The following KIZ variants were observed in gnomAD, a reference collection of about 807,000 sequenced individuals.
The protein encoded by KIZ is kizuna centrosomal protein, also known as centrosomal protein kizuna.
KIZ carries 68 observed loss-of-function variants against 79.6 expected under a neutral mutation model. That is an observed-to-expected ratio of 0.85 (90% CI 0.70 to 1.05). The LOEUF is 1.05. Ranked by LOEUF, KIZ falls within the 50% of genes least tolerant of loss-of-function variation. KIZ has a pLI of 0.00. For synonymous variants in KIZ, 280 were observed against 281.8 expected, an observed-to-expected ratio of 0.99 and a Z score of 0.06; for missense variants, 797 against 800.4, an observed-to-expected ratio of 1.00 and a Z score of 0.05.
chr20:21,136,688 C>T (rs1022914016), intron 3 of KIZ, 136 bp downstream of exon 3: 17 of 572,304 alleles, frequency 3.0e-5, no homozygotes, highest in Non-Finnish European at 3.9e-5. Context: ...CTGTCTTAGC[C>T]TCCTGAGTAG....
At chr20:21,180,334 T>A (rs1287691378) in intron 6 of KIZ, among the ~76,000 whole-genome samples, 2 of 152,026 alleles carry the variant, frequency 1.3e-5, no homozygotes, top group African/African-American at 4.8e-5. Flanking sequence ...CCATTTTATA[T>A]TTAAGTAAAT....
rs1266776054 is a variant in KIZ, at chr20:21,180,425, G to T, written c.1352+17266G>T. Among the ~76,000 whole-genome samples the T allele has an allele frequency of 2.0e-5, 3 of 152,178 alleles. No individual in the cohort carries two copies. The East Asian group carries it at 5.8e-4, about 29-fold the overall frequency. On this transcript the variant is annotated intron_variant, in intron 6 of 12. Coordinates refer to ENST00000619189, the MANE Select transcript of KIZ (RefSeq NM_018474.6). ...TCTTGGAGCCAAATAAGTGGTAGGG[G>T]GTGGGGCGAGGGACGGGTGCAAGGG...
Position 21,246,545 on chromosome 20 carries a change from A to G in KIZ, c.1991A>G (p.Asn664Ser), listed in dbSNP as rs769694398. ...GCTGCTTTACGCCCCAGAAACCATA[A>G]CACCGATGATTCTGATGATTTTTAT... ...IEAALRPRNH[N>S]TDDSDDFYD Residue 664 changes from asparagine (N) to serine (S), a missense_variant, in exon 13 of 13, where the codon AAC becomes AGC. Physicochemically the swap from Asn to Ser is conservative, Grantham distance 46. Coordinates refer to ENST00000619189, the MANE Select transcript of KIZ (RefSeq NM_018474.6). The G allele has an allele frequency of 3.6e-5, 58 of 1,610,008 alleles. No homozygotes were observed. The highest frequency in any genetic ancestry group is 1.4e-5 in the Non-Finnish European group (16 of 1,176,572).
chr20:21,128,145 T>A (rs1220887555), intron 1 of KIZ, among the ~76,000 whole-genome samples: 1 of 152,168 alleles, frequency 6.6e-6, no homozygotes, highest in African/African-American at 2.4e-5. Context: ...CCCTAGTAGC[T>A]GGGATTACAG....
intron 7 of KIZ, 125 bp from the exon 8 acceptor site, chr20:21,214,409 TG>T: frequency 1.6e-6 from 1 of 624,144 alleles, no homozygotes. Flanking sequence ...CATTTAAATG[TG>T]GGAAACAGAT....
At chr20:21,127,212 T>A (rs1322453151) in intron 1 of KIZ, among the ~76,000 whole-genome samples, 2 of 152,210 alleles carry the variant, frequency 1.3e-5, no homozygotes, top group African/African-American at 4.8e-5. Context: ...GCATTTTTTT[T>A]ACCTTGTACT....
At chr20:21,242,646 G>A (rs570570539) in intron 11 of KIZ, among the ~76,000 whole-genome samples, 1 of 152,206 alleles carries the variant, frequency 6.6e-6, no homozygotes, top group South Asian at 2.1e-4. Flanking sequence ...GGCTTGGGGA[G>A]ACTAGTGGGT....
intron 11 of KIZ, 147 bp from the exon 12 acceptor site, chr20:21,244,098 T>C: frequency 1.5e-6 from 1 of 679,572 alleles, no homozygotes; most frequent in Non-Finnish European, 2.6e-6. Flanking sequence ...CCCGATATTT[T>C]CCCTTTACTT....
chr20:21,166,658 A>G, intron 6 of KIZ: 1 of 749,392 alleles, frequency 1.3e-6, no homozygotes, highest in Middle Eastern at 3.9e-4. Context: ...TGGTTTCTCC[A>G]TGTTGGTCAG....
Position 21,186,495 on chromosome 20 carries a change from ATT to A in KIZ, c.1353-18995_1353-18994del, listed in dbSNP as rs2034880675. Among the ~76,000 whole-genome samples the A allele has an allele frequency of 2.6e-5, 4 of 151,520 alleles. No homozygotes were observed. The South Asian group carries it at 8.4e-4, about 32-fold the overall frequency. ...AACTCTGACACTGACAAAAGAGGTC[ATT>A]GCATCTGGTTCCCAGCTACTTCCAT... On this transcript the variant is annotated intron_variant, in intron 6 of 12. Transcript: ENST00000619189.
rs1243921995 is a variant in KIZ, at chr20:21,126,171, G to C, written c.56G>C (p.Arg19Thr). ...CTGTCGAGTCCCGACTACTACGAGA[G>C]GCTGGGCCAACTCCAGCACGGGCTG... ...VPLSSPDYYE[R>T]LGQLQHGLRD... The change falls in exon 1 of 13, where the codon AGG becomes ACG. Residue 19 changes from arginine to threonine, a missense_variant. By Grantham distance (71) the Arg-to-Thr change is moderately conservative. Transcript: ENST00000619189. The C allele has an allele frequency of 5.3e-6, 8 of 1,506,702 alleles. No homozygotes were observed. Among genetic ancestry groups the C allele is most frequent in the Non-Finnish European group, 8.9e-7 (1 of 1,125,902 alleles). 93.3% of individuals were successfully genotyped at this position (1,506,702 alleles called of 1,614,324 possible). A position where few individuals can be genotyped will look rare whatever the true frequency, so the allele number is the denominator to read the frequency against.
intron 2 of KIZ, 122 bp from the exon 3 acceptor site, chr20:21,136,268 G>A (rs1238309025): frequency 2.3e-5 from 14 of 606,664 alleles, no homozygotes; most frequent in African/African-American, 7.6e-5. Context: ...TTTGGGTTTC[G>A]GTGGTTTGGG....
At chr20:21,220,330 A>G (rs1007538485) in intron 9 of KIZ, among the ~76,000 whole-genome samples, 4 of 152,044 alleles carry the variant, frequency 2.6e-5, no homozygotes, top group Admixed American at 6.6e-5. Context: ...TACTCACCCT[A>G]CAAGTGGTCA....
chr20:21,149,992 A>G (rs1043527134), intron 4 of KIZ, among the ~76,000 whole-genome samples: 11 of 152,202 alleles, frequency 7.2e-5, no homozygotes, highest in African/African-American at 2.4e-4. Context: ...AGCGGGCTGT[A>G]AGAGTGTGTG....
chr20:21,166,043 T>C (rs958698057), intron 6 of KIZ, among the ~76,000 whole-genome samples: 3 of 152,154 alleles, frequency 2.0e-5, no homozygotes, highest in African/African-American at 4.8e-5. Context: ...CTCGGCTCAC[T>C]GCAACCTCCA....
intron 1 of KIZ, among the ~76,000 whole-genome samples, chr20:21,129,826 TC>T (rs1345097255): frequency 6.6e-6 from 1 of 152,178 alleles, no homozygotes; most frequent in Non-Finnish European, 1.5e-5. Flanking sequence ...CCTCCAGTGT[TC>T]CTGTCACCCA....
intron 11 of KIZ, among the ~76,000 whole-genome samples, chr20:21,240,842 A>G (rs1446817684): frequency 6.6e-6 from 1 of 152,268 alleles, no homozygotes; most frequent in Non-Finnish European, 1.5e-5. Flanking sequence ...TAATTGGAAT[A>G]CAGCCACATC....
At chr20:21,211,686 C>G (rs900206149) in intron 7 of KIZ, among the ~76,000 whole-genome samples, 1 of 152,208 alleles carries the variant, frequency 6.6e-6, no homozygotes, top group Non-Finnish European at 1.5e-5. Context: ...TGTCATCAGT[C>G]TCAGACTGCA....
chr20:21,176,407 T>C (rs1341178678), intron 6 of KIZ, among the ~76,000 whole-genome samples: 1 of 152,092 alleles, frequency 6.6e-6, no homozygotes, highest in Admixed American at 6.6e-5. Context: ...CTCTGATACC[T>C]ACATTTGCAG....
Sources: gnomAD v4.1 joint callset for allele counts (sites outside exome capture counted in the v4.1 genomes callset) on GRCh38, gnomAD v4.1.1 for gene constraint, MANE v1.5 for transcripts, NCBI Gene and HGNC (gene_info 2026-07-23, HGNC 2026-07-21) for gene names.